Variants in KMT2C observed in about 807,000 individuals in gnomAD.
The protein encoded by KMT2C is histone-lysine N-methyltransferase 2C.
A neutral mutation model predicts 507.9 loss-of-function variants in KMT2C; 88 were observed. The ratio of observed to expected loss-of-function variants is 0.17; its 90% CI spans 0.15 to 0.21. KMT2C has a LOEUF of 0.21. Among genes scored for constraint, KMT2C ranks in the 10% least tolerant of loss-of-function variants. The pLI is 1.00. For synonymous variants in KMT2C, 2,049 were observed against 2,080.8 expected (o/e 0.98, Z 0.42); for missense variants, 4,954 against 5,957.8 (o/e 0.83, Z 5.55).
intron 6 of KMT2C, among the ~76,000 whole-genome samples, chr7:152,297,001 G>A (rs868821728): frequency 1.3e-3 from 51 of 40,270 alleles, no homozygotes; most frequent in African/African-American, 6.7e-3. Context: ...GAAAGAAAAA[G>A]AAAGAAAGAA....
intron 39 of KMT2C, among the ~76,000 whole-genome samples, chr7:152,172,687 G>A (rs2093020999): frequency 6.6e-6 from 1 of 152,088 alleles, no homozygotes; most frequent in Non-Finnish European, 1.5e-5. Context: ...CTCCGTCTCA[G>A]AAACAAAAAC....
At chr7:152,225,891 C>G (rs867339221) in intron 18 of KMT2C, among the ~76,000 whole-genome samples, 3 of 152,154 alleles carry the variant, frequency 2.0e-5, no homozygotes, top group Non-Finnish European at 4.4e-5. Context: ...TTATAAAAAA[C>G]TCCATGAAAG....
chr7:152,266,391 T>A (rs539309739), intron 7 of KMT2C, among the ~76,000 whole-genome samples: 1 of 152,174 alleles, frequency 6.6e-6, no homozygotes, highest in Non-Finnish European at 1.5e-5. Flanking sequence ...CTTACAGGCG[T>A]GTGCCACCAT....
intron 18 of KMT2C, among the ~76,000 whole-genome samples, chr7:152,229,540 A>T (rs1252239388): frequency 2.0e-5 from 3 of 152,186 alleles, no homozygotes. Flanking sequence ...GAGTGAGCAT[A>T]GAGGAGAGAG....
At chr7:152,281,272 G>A (rs2096202947) in intron 6 of KMT2C, among the ~76,000 whole-genome samples, 1 of 151,718 alleles carries the variant, frequency 6.6e-6, no homozygotes, top group African/African-American at 2.4e-5. Flanking sequence ...AATAAAGCAT[G>A]TAAGTTATAA....
chr7:152,344,452 T>C (rs2097032046), intron 2 of KMT2C, among the ~76,000 whole-genome samples: 1 of 152,194 alleles, frequency 6.6e-6, no homozygotes, highest in Admixed American at 6.5e-5. Context: ...AATTTATGAA[T>C]TGTTTATTTC....
rs372847434 is a variant in KMT2C, at chr7:152,351,348, A to G, written c.250+7239T>C. On this transcript the variant is annotated intron_variant, in intron 2 of 58. Coordinates refer to ENST00000262189, the MANE Select transcript of KMT2C (RefSeq NM_170606.3). ...GGTTTGTTTACACCAGCATCACCAC[A>G]AACATGTGAGTAATGCACTATGTTG... 5.3e-5 allele frequency among the ~76,000 whole-genome samples: 8 copies of G among 152,196 alleles called. No individual in the cohort carries two copies. In the East Asian group the frequency reaches 1.5e-3, roughly 29 times the overall value.
intron 9 of KMT2C, among the ~76,000 whole-genome samples, chr7:152,254,071 G>T (rs1374550611): frequency 6.6e-6 from 1 of 152,140 alleles, no homozygotes; most frequent in African/African-American, 2.4e-5. Flanking sequence ...AGGAACCATA[G>T]ATCAGCTAGT....
chr7:152,174,195 G>T lies in KMT2C; in HGVS notation c.9310C>A (p.Leu3104Ile), dbSNP rs2129110875. ...DPIMKAKMVALKGINKVMAQN... is the reference protein window; with the variant it reads ...DPIMKAKMVAIKGINKVMAQN... ...GCCATCACTTTATTTATACCTTTAAGGGCCACCATTTTGGCTTTCATTATA... is the reference window on the plus strand; with the variant it reads ...GCCATCACTTTATTTATACCTTTAATGGCCACCATTTTGGCTTTCATTATA... Residue 3104 changes from leucine (L) to isoleucine (I), a missense_variant, in exon 39 of 59, where the codon CTT (leucine) becomes ATT (isoleucine). By Grantham distance (5) the Leu-to-Ile change is conservative. This residue lies in a region of KMT2C where 1,689 missense variants were observed against 1,654.3 expected (regional missense o/e 1.02). Coordinates refer to ENST00000262189, the MANE Select transcript of KMT2C (RefSeq NM_170606.3). 3 of 1,608,986 alleles carry T rather than the reference G, an allele frequency of 1.9e-6. No homozygotes were observed.
At position 152,192,568 on chromosome 7, in the gene KMT2C, T is replaced by C. The variant is rs148595233; in HGVS notation, c.4660+1441A>G. On this transcript the variant is annotated intron_variant, in intron 31 of 58. Coordinates refer to ENST00000262189, the MANE Select transcript of KMT2C (RefSeq NM_170606.3). ...AAAAAAAAGAAAAAAAAAAAGCACA[T>C]AGGAACAATTAAGGCAAGAATAGTT... 2.7e-5 allele frequency among the ~76,000 whole-genome samples: 4 copies of C among 150,888 alleles called. No homozygotes were observed. The East Asian group carries it at 5.9e-4, about 22-fold the overall frequency.
chr7:152,171,345 G>A lies in KMT2C; in HGVS notation c.9375-3C>T, dbSNP rs2129108624. The A allele has an allele frequency of 1.3e-6, 2 of 1,594,910 alleles. No individual in the cohort carries two copies. The highest frequency in any genetic ancestry group is 1.7e-6 in the Non-Finnish European group (2 of 1,167,912). On this transcript the variant is annotated splice_polypyrimidine_tract_variant and splice_region_variant and intron_variant, in intron 39 of 58. Coordinates refer to ENST00000262189, the MANE Select transcript of KMT2C (RefSeq NM_170606.3). ...CCACCTGGCCCATAAAAGGGAACCT[G>A]TCAAAACAGGGTACACAAGTATCAA... is the stretch of plus-strand genomic sequence containing the variant.
intron 2 of KMT2C, among the ~76,000 whole-genome samples, chr7:152,345,968 G>A (rs1380792059): frequency 6.6e-6 from 1 of 152,194 alleles, no homozygotes; most frequent in Non-Finnish European, 1.5e-5. Flanking sequence ...GAAAGCAGGA[G>A]TAGCTATATT....
intron 14 of KMT2C, among the ~76,000 whole-genome samples, chr7:152,246,507 C>T (rs1034660435): frequency 2.0e-5 from 3 of 151,864 alleles, no homozygotes; most frequent in African/African-American, 7.3e-5. Context: ...CCTGGTTTCT[C>T]AATTGAAACA....
chr7:152,139,833 A>G (rs774319658), intron 55 of KMT2C, 42 bp from the exon 56 acceptor site: 1 of 1,408,054 alleles, frequency 7.1e-7, no homozygotes, highest in Middle Eastern at 1.8e-4. Context: ...ATGTGACAAC[A>G]AGTCTTTTTT....
At chr7:152,163,931 C>A in intron 42 of KMT2C, 105 bp from the exon 43 acceptor site, 8 of 1,055,828 alleles carry the variant, frequency 7.6e-6, no homozygotes, top group Non-Finnish European at 8.5e-6. Context: ...GCAGTTTGGC[C>A]CTGCAGAAGC....
At position 152,368,045 on chromosome 7, in the gene KMT2C, A is replaced by C. The variant is rs185540609; in HGVS notation, c.162-9370T>G. On this transcript the variant is annotated intron_variant, in intron 1 of 58. Transcript: ENST00000262189. Reference sequence around the variant, plus strand: ...ATTTTCCAGAAATAGATGATGAAGAAGAAAATAAACTTGCTAAAAAGGTAA... The same window carrying C: ...ATTTTCCAGAAATAGATGATGAAGACGAAAATAAACTTGCTAAAAAGGTAA... 3,571 of 855,198 alleles carry C rather than the reference A, an allele frequency of 4.2e-3. 17 individuals carry two copies. The highest frequency in any genetic ancestry group is 5.7e-3 in the South Asian group (407 of 71,524). 53.0% of individuals were successfully genotyped at this position (855,198 alleles called of 1,614,324 possible).
At chr7:152,424,792 C>T (rs1481600965) in intron 1 of KMT2C, among the ~76,000 whole-genome samples, 2 of 152,148 alleles carry the variant, frequency 1.3e-5, no homozygotes, top group Non-Finnish European at 2.9e-5. Flanking sequence ...GGGCTGAAGG[C>T]AGCTAGGACA....
intron 18 of KMT2C, among the ~76,000 whole-genome samples, chr7:152,227,774 G>C (rs2094978850): frequency 6.6e-6 from 1 of 152,218 alleles, no homozygotes; most frequent in Admixed American, 6.5e-5. Flanking sequence ...ACTTCTAGAA[G>C]CCCAAAGACC....
chr7:152,434,174 A>C (rs1369791991), intron 1 of KMT2C, among the ~76,000 whole-genome samples: 1 of 152,220 alleles, frequency 6.6e-6, no homozygotes, highest in Admixed American at 6.5e-5. Context: ...GGCATTTTAT[A>C]CTTGCCACTG....
Sources: allele counts gnomAD v4.1 joint callset (sites outside exome capture counted in the v4.1 genomes callset), GRCh38; gene constraint gnomAD v4.1.1; regional missense constraint gnomAD v4.1.1; transcripts MANE v1.5; gene names NCBI Gene and HGNC (gene_info 2026-07-23, HGNC 2026-07-21).